UGCG: variants seen among roughly 807,000 people sequenced by gnomAD.
The protein encoded by UGCG is ceramide glucosyltransferase.
A neutral mutation model predicts 49.5 loss-of-function variants in UGCG; 10 were observed. The observed-to-expected ratio is 0.20, with a 90% CI of 0.12 to 0.34. The LOEUF is 0.34. Ranked by LOEUF, UGCG falls within the 10% of genes least tolerant of loss-of-function variation. The pLI is 1.00. For missense variants in UGCG, 312 were observed against 483.7 expected, an observed-to-expected ratio of 0.65 and a Z score of 3.33; for synonymous variants, 182 against 158.2, an observed-to-expected ratio of 1.15 and a Z score of -1.13.
At position 111,932,347 on chromosome 9, in the gene UGCG, C is replaced by G. The variant is rs546706260; in HGVS notation, c.1002C>G (p.Leu334=). The part of the protein sequence containing the change: ...LAWFIFDYIQ[L]RGVQGGTLCF... ...GGTTTATATTTGACTACATTCAACT[C>G]AGGGGTGTCCAGGTATGTGGATAGG... Residue 334 remains leucine (L), a synonymous_variant, in exon 8 of 9, where the codon CTC becomes CTG. Transcript: ENST00000374279. The G allele has an allele frequency of 6.2e-7, 1 of 1,613,680 alleles. No homozygotes were observed. Among genetic ancestry groups the G allele is most frequent in the African/African-American group, 1.3e-5 (1 of 74,902 alleles).
chr9:111,928,207 C>G (rs1838359536), intron 5 of UGCG, among the ~76,000 whole-genome samples: 1 of 152,124 alleles, frequency 6.6e-6, no homozygotes, highest in African/African-American at 2.4e-5. Context: ...ACCATGAGCT[C>G]TTTCTTAATA....
intron 1 of UGCG, among the ~76,000 whole-genome samples, chr9:111,898,852 A>C (rs994183262): frequency 2.0e-5 from 3 of 152,120 alleles, no homozygotes; most frequent in Admixed American, 6.6e-5. Context: ...AAAGGACTAT[A>C]TTATGATTAT....
At chr9:111,921,802 ATTTTTTTTTTTTT>A (rs71373800) in intron 2 of UGCG, among the ~76,000 whole-genome samples, 2 of 55,534 alleles carry the variant, frequency 3.6e-5, no homozygotes, top group African/African-American at 6.6e-5. Context: ...CCCCAGGGTG[ATTTTTTTTTTTTT>A]TTTTTTTTTT....
intron 1 of UGCG, among the ~76,000 whole-genome samples, chr9:111,904,933 C>T (rs2131716145): frequency 6.6e-6 from 1 of 152,198 alleles, no homozygotes; most frequent in South Asian, 2.1e-4. Context: ...CAAAACCAGC[C>T]TGAGCAATAT....
In UGCG at chr9:111,924,787, A is replaced by T; in HGVS notation, c.354A>T (p.Lys118Asn). The T allele has an allele frequency of 6.6e-7, 1 of 1,523,954 alleles. No individual in the cohort carries two copies. 94.4% of individuals were successfully genotyped at this position (1,523,954 alleles called of 1,614,324 possible). A position where few individuals can be genotyped will look rare whatever the true frequency, so the allele number is the denominator to read the frequency against. The stretch of plus-strand genomic sequence containing the variant: ...CCTTTACATTTTTAGGTGGCAAAAA[A>T]GTTGGCATTAATCCTAAAATTAATA... ...VDARLFIGGKKVGINPKINNL... is the reference protein window; with the variant it reads ...VDARLFIGGKNVGINPKINNL... Residue 118 changes from lysine to asparagine, a missense_variant, in exon 4 of 9, where the codon AAA becomes AAT. Physicochemically the swap from Lys to Asn is moderately conservative, Grantham distance 94. This residue lies in a region of UGCG where 64 missense variants were observed against 67.6 expected (regional missense o/e 0.95). Coordinates refer to ENST00000374279, the MANE Select transcript of UGCG (RefSeq NM_003358.3).
chr9:111,930,653 A>G (rs1396772407), intron 6 of UGCG, among the ~76,000 whole-genome samples: 3 of 151,786 alleles, frequency 2.0e-5, no homozygotes, highest in African/African-American at 4.8e-5. Context: ...GTATGTTAGT[A>G]GAGGCGGGGT....
chr9:111,919,490 A>G, intron 2 of UGCG, among the ~76,000 whole-genome samples: 1 of 151,146 alleles, frequency 6.6e-6, no homozygotes. Context: ...CTCAAAAAAA[A>G]CCATTAAAGA....
chr9:111,914,269 C>G (rs1241641542), intron 1 of UGCG, among the ~76,000 whole-genome samples: 2 of 152,124 alleles, frequency 1.3e-5, no homozygotes, highest in Non-Finnish European at 2.9e-5. Context: ...AGTAGTACAT[C>G]ATGGGTATTC....
intron 2 of UGCG, among the ~76,000 whole-genome samples, chr9:111,921,966 C>T (rs1838230292): frequency 6.6e-6 from 1 of 151,702 alleles, no homozygotes; most frequent in South Asian, 2.1e-4. Flanking sequence ...CATGCCTCAC[C>T]ATGCCCAGCT....
intron 2 of UGCG, among the ~76,000 whole-genome samples, chr9:111,916,211 T>C (rs2118545544): frequency 6.6e-6 from 1 of 152,324 alleles, no homozygotes; most frequent in Non-Finnish European, 1.5e-5. Flanking sequence ...CAAAGGAGAA[T>C]TAATGTTTAC....
intron 1 of UGCG, among the ~76,000 whole-genome samples, chr9:111,913,545 G>A (rs1838056708): frequency 6.6e-6 from 1 of 151,350 alleles, no homozygotes; most frequent in South Asian, 2.1e-4. Flanking sequence ...TGATTCTTCT[G>A]CCTCAGCCTC....
In UGCG at chr9:111,926,413, A is replaced by C; in HGVS notation, c.475A>C (p.Asn159His). 1 of 1,610,994 alleles carries C rather than the reference A, an allele frequency of 6.2e-7. No homozygotes were observed. Reference protein sequence around the residue: ...VIPDTLTDMVNQMTEKVGLVH... With the variant: ...VIPDTLTDMVHQMTEKVGLVH... ...TCCAGATACGCTTACTGACATGGTG[A>C]ATCAAATGACAGAAAAAGTAGGCTT... Residue 159 changes from asparagine (N) to histidine (H), a missense_variant, in exon 5 of 9, where the codon AAT becomes CAT. Asn to His is a moderately conservative substitution (Grantham distance 68). This residue lies in a region of UGCG where 180 missense variants were observed against 320.4 expected (regional missense o/e 0.56). Coordinates refer to ENST00000374279, the MANE Select transcript of UGCG (RefSeq NM_003358.3).
At chr9:111,900,296 A>G (rs925244098) in intron 1 of UGCG, among the ~76,000 whole-genome samples, 2 of 152,088 alleles carry the variant, frequency 1.3e-5, no homozygotes, top group East Asian at 1.9e-4. Flanking sequence ...TCTCTTCCCT[A>G]TCCCATCCAC....
chr9:111,921,726 A>G (rs1402200460), intron 2 of UGCG, among the ~76,000 whole-genome samples: 1 of 150,236 alleles, frequency 6.7e-6, no homozygotes, highest in Non-Finnish European at 1.5e-5. Context: ...GCTGCATGTC[A>G]GATCACCCCA....
chr9:111,908,014 T>G (rs1265910493), intron 1 of UGCG, among the ~76,000 whole-genome samples: 1 of 152,108 alleles, frequency 6.6e-6, no homozygotes, highest in Non-Finnish European at 1.5e-5. Context: ...TGTATTTTTT[T>G]CTGATTTTTT....
intron 2 of UGCG, among the ~76,000 whole-genome samples, chr9:111,919,398 G>C (rs530866575): frequency 1.3e-5 from 2 of 152,084 alleles, no homozygotes; most frequent in East Asian, 1.9e-4. Context: ...TGGGAGGATT[G>C]CTTGAGCCTG....
Position 111,929,531 on chromosome 9 carries a change from A to G in UGCG, c.590A>G (p.Tyr197Cys). The change falls in exon 6 of 9, where the codon TAT becomes TGT. Residue 197 changes from tyrosine (Y) to cysteine (C), a missense_variant. Transcript: ENST00000374279. Reference sequence around the variant, plus strand: ...TTTGGAACTTCACATCCAAGATACTATATCTCTGCCAATGTAACTGGTTTC... The same window carrying G: ...TTTGGAACTTCACATCCAAGATACTGTATCTCTGCCAATGTAACTGGTTTC... ...VYFGTSHPRY[Y>C]ISANVTGFKC... 2 of 1,613,876 alleles carry G rather than the reference A, an allele frequency of 1.2e-6. No individual in the cohort carries two copies. Among genetic ancestry groups the G allele is most frequent in the Non-Finnish European group, 1.7e-6 (2 of 1,179,938 alleles).
At chr9:111,913,015 G>A (rs922966727) in intron 1 of UGCG, among the ~76,000 whole-genome samples, 1 of 152,298 alleles carries the variant, frequency 6.6e-6, no homozygotes, top group East Asian at 1.9e-4. Flanking sequence ...AAGTGGTCTG[G>A]GTGGTGGTAC....
chr9:111,904,834 C>T (rs62572659), intron 1 of UGCG, among the ~76,000 whole-genome samples: 2,839 of 152,152 alleles, frequency 0.019, 36 homozygotes, highest in Non-Finnish European at 0.03. Flanking sequence ...TGCTCTCCAG[C>T]CTGGGCAACA....
Sources: gnomAD v4.1 joint callset for allele counts (sites outside exome capture counted in the v4.1 genomes callset) on GRCh38, gnomAD v4.1.1 for gene constraint, gnomAD v4.1.1 regional missense constraint, MANE v1.5 for transcripts, NCBI Gene and HGNC (gene_info 2026-07-23, HGNC 2026-07-21) for gene names.